Variants in WHRN observed in about 807,000 individuals in gnomAD.
The protein encoded by WHRN is whirlin.
Under a neutral mutation model 68.3 loss-of-function variants are expected in WHRN, and 41 were observed. That is an observed-to-expected ratio of 0.60 (90% CI 0.47 to 0.78). WHRN has a LOEUF of 0.78. Ranked by LOEUF, WHRN falls within the 30% of genes least tolerant of loss-of-function variation. The probability of loss-of-function intolerance (pLI) is 0.00; values close to 1 mark genes in which losing one functional copy is unlikely to be tolerated. For synonymous variants in WHRN, 560 were observed against 561.3 expected (o/e 1.00, Z 0.03); for missense variants, 1,243 against 1,244.7 (o/e 1.00, Z 0.02).
At chr9:114,425,514 TA>T (rs2132393718) in intron 4 of WHRN, 1 of 337,720 alleles carries the variant, frequency 3.0e-6, no homozygotes, top group East Asian at 6.1e-5. Context: ...GAAAACCTGG[TA>T]TCTTTCTAGA....
At chr9:114,440,048 G>A (rs1589140959) in intron 3 of WHRN, among the ~76,000 whole-genome samples, 1 of 152,318 alleles carries the variant, frequency 6.6e-6, no homozygotes, top group East Asian at 1.9e-4. Context: ...AGCCAGCTGG[G>A]ATTACAGGCA....
intron 1 of WHRN, among the ~76,000 whole-genome samples, chr9:114,494,107 G>T (rs189332436): frequency 6.6e-6 from 1 of 152,360 alleles, no homozygotes; most frequent in Non-Finnish European, 1.5e-5. Flanking sequence ...TCCCGGGGGG[G>T]TATGGTGAAG....
At chr9:114,462,081 C>T (rs139912376) in intron 3 of WHRN, among the ~76,000 whole-genome samples, 1 of 152,298 alleles carries the variant, frequency 6.6e-6, no homozygotes, top group Non-Finnish European at 1.5e-5. Flanking sequence ...CAGCTGGTTA[C>T]TGGTTTTGGC....
Position 114,402,600 on chromosome 9 carries a change from A to C in WHRN, c.*154T>G. The C allele has an allele frequency of 1.1e-6, 1 of 946,580 alleles. No individual in the cohort carries two copies. The highest frequency in any genetic ancestry group is 1.4e-5 in the South Asian group (1 of 73,824). The allele number at this position is 946,580 out of a possible 1,614,324, so 58.6% of individuals were successfully genotyped here. A position where few individuals can be genotyped will look rare whatever the true frequency, so the allele number is the denominator to read the frequency against. Reference sequence around the variant, plus strand: ...CCTTGTCCTGCTCTCTTCCTCTCCCAGTTCTGGTCCAGTGGGCTGGGATGG... The same window carrying C: ...CCTTGTCCTGCTCTCTTCCTCTCCCCGTTCTGGTCCAGTGGGCTGGGATGG... On this transcript the variant is annotated 3_prime_UTR_variant, in exon 12 of 12. Coordinates refer to ENST00000362057, the MANE Select transcript of WHRN (RefSeq NM_015404.4).
intron 1 of WHRN, 58 bp from the exon 2 acceptor site, chr9:114,478,829 C>G: frequency 1.3e-6 from 2 of 1,526,964 alleles, no homozygotes; most frequent in Non-Finnish European, 1.8e-6. Context: ...TGTGGAGGAA[C>G]ACCCTCCCCT....
At chr9:114,417,087 T>C (rs1375584529) in intron 7 of WHRN, among the ~76,000 whole-genome samples, 4 of 152,186 alleles carry the variant, frequency 2.6e-5, no homozygotes, top group Admixed American at 2.0e-4. Flanking sequence ...GAAATGATAT[T>C]GTGTGAAGGC....
intron 4 of WHRN, 170 bp from the exon 5 acceptor site, chr9:114,425,194 T>C (rs1457626371): frequency 1.3e-6 from 1 of 754,860 alleles, no homozygotes; most frequent in Non-Finnish European, 2.4e-6. Flanking sequence ...TAAAGGAAAC[T>C]CCGGACAGAC....
intron 1 of WHRN, among the ~76,000 whole-genome samples, chr9:114,490,526 T>C (rs1424055198): frequency 6.7e-6 from 1 of 149,728 alleles, no homozygotes. Flanking sequence ...AAAAGTTTTT[T>C]TTAAAAAAGA....
rs371169285 is a variant in WHRN at position 114,403,079 on chromosome 9, G to A, written c.2541+138C>T. ...TCTCGGATTAGGAAAGCTGAGGCCC[G>A]GAAGAGCAAAGGTGACATAAGCCTA... On this transcript the variant is annotated intron_variant, in intron 11 of 11. Coordinates refer to ENST00000362057, the MANE Select transcript of WHRN (RefSeq NM_015404.4). The A allele has an allele frequency of 2.4e-4, 366 of 1,538,908 alleles. 1 individual carries two copies. In the East Asian group the frequency reaches 4.1e-3, roughly 17 times the overall value.
intron 7 of WHRN, among the ~76,000 whole-genome samples, chr9:114,420,420 C>G (rs972683539): frequency 6.6e-6 from 1 of 152,150 alleles, no homozygotes; most frequent in African/African-American, 2.4e-5. Context: ...GATCCGTATT[C>G]CCAGAGAGAG....
intron 7 of WHRN, among the ~76,000 whole-genome samples, chr9:114,421,420 G>A (rs779928297): frequency 1.3e-5 from 2 of 152,164 alleles, no homozygotes; most frequent in African/African-American, 2.4e-5. Flanking sequence ...TCAGGGCTTC[G>A]GGCTGCTGAA....
chr9:114,494,564 G>A (rs1194716958), intron 1 of WHRN, among the ~76,000 whole-genome samples: 1 of 152,190 alleles, frequency 6.6e-6, no homozygotes, highest in Non-Finnish European at 1.5e-5. Context: ...CCAGGGCTTC[G>A]GAGCTCAGGC....
At position 114,403,472 on chromosome 9, in the gene WHRN, T is replaced by C. The variant is rs553273144; in HGVS notation, c.2419-133A>G. 49 of 1,173,896 alleles carry C rather than the reference T, an allele frequency of 4.2e-5. No individual in the cohort carries two copies. In the East Asian group the frequency reaches 1.1e-3, roughly 27 times the overall value. 72.7% of individuals were successfully genotyped at this position (1,173,896 alleles called of 1,614,324 possible). Reference sequence around the variant, plus strand: ...AGCCCTGTGTCGGGAGCCTCAGGTGTGCAACGCACTAAGCCAAGCACTTGT... The same window carrying C: ...AGCCCTGTGTCGGGAGCCTCAGGTGCGCAACGCACTAAGCCAAGCACTTGT... On this transcript the variant is annotated intron_variant, in intron 10 of 11. Coordinates refer to ENST00000362057, the MANE Select transcript of WHRN (RefSeq NM_015404.4).
intron 1 of WHRN, among the ~76,000 whole-genome samples, chr9:114,493,704 A>G (rs1009556839): frequency 1.3e-5 from 2 of 152,242 alleles, no homozygotes; most frequent in Non-Finnish European, 2.9e-5. Flanking sequence ...TGAGAGAGAT[A>G]AGAGAGAGGA....
chr9:114,436,930 T>C (rs1189272630), intron 3 of WHRN, among the ~76,000 whole-genome samples: 1 of 152,038 alleles, frequency 6.6e-6, no homozygotes, highest in East Asian at 1.9e-4. Context: ...TATTTAAAAA[T>C]AAAAACAATT....
At chr9:114,476,427 T>C (rs1300731943) in intron 2 of WHRN, among the ~76,000 whole-genome samples, 1 of 152,008 alleles carries the variant, frequency 6.6e-6, no homozygotes, top group African/African-American at 2.4e-5. Context: ...GAATGGCACA[T>C]GGCAGCTCCT....
chr9:114,430,097 C>A (rs1443049430), intron 3 of WHRN, among the ~76,000 whole-genome samples: 1 of 152,226 alleles, frequency 6.6e-6, no homozygotes, highest in Admixed American at 6.5e-5. Context: ...TTTATATCAT[C>A]CCTGCAGTTT....
At chr9:114,486,959 G>A (rs62555203) in intron 1 of WHRN, among the ~76,000 whole-genome samples, 17 of 5,022 alleles carry the variant, frequency 3.4e-3, no homozygotes, top group Admixed American at 8.1e-3. Context: ...GTGTGTGTGT[G>A]TATATATATA....
intron 2 of WHRN, among the ~76,000 whole-genome samples, chr9:114,476,309 T>C: frequency 6.6e-6 from 1 of 151,978 alleles, no homozygotes. Context: ...AGAGGCACCT[T>C]ACCTAACCCC....
Sources: allele counts gnomAD v4.1 joint callset (sites outside exome capture counted in the v4.1 genomes callset), GRCh38; gene constraint gnomAD v4.1.1; transcripts MANE v1.5; gene names NCBI Gene and HGNC (gene_info 2026-07-23, HGNC 2026-07-21).